EEFSEC: variants seen among roughly 807,000 people sequenced by gnomAD.
EEFSEC encodes selenocysteine-specific elongation factor.
Under a neutral mutation model 42.1 loss-of-function variants are expected in EEFSEC, and 43 were observed. That is an observed-to-expected ratio of 1.02 (90% CI 0.80 to 1.32). EEFSEC has a LOEUF of 1.32. EEFSEC is among the 40% of genes most tolerant of loss of function. The pLI is 0.00. For missense variants in EEFSEC, 745 were observed against 803.6 expected (o/e 0.93, Z 0.88); for synonymous variants, 354 against 339.1 (o/e 1.04, Z -0.48).
intron 1 of EEFSEC, among the ~76,000 whole-genome samples, chr3:128,243,564 T>A (rs2066096226): frequency 6.6e-6 from 1 of 152,228 alleles, no homozygotes; most frequent in South Asian, 2.1e-4. Flanking sequence ...GTGCCCAAGC[T>A]GGGTCTTGTG....
At chr3:128,258,772 G>A (rs2066267928) in intron 2 of EEFSEC, among the ~76,000 whole-genome samples, 1 of 152,150 alleles carries the variant, frequency 6.6e-6, no homozygotes, top group South Asian at 2.1e-4. Context: ...TATATTTAAT[G>A]TATGTAATTA....
At chr3:128,197,793 G>A (rs2107812162) in intron 1 of EEFSEC, among the ~76,000 whole-genome samples, 1 of 152,226 alleles carries the variant, frequency 6.6e-6, no homozygotes, top group South Asian at 2.1e-4. Context: ...TGGAGCTCAG[G>A]GTTGAGGTCT....
At chr3:128,174,947 C>A (rs1268352665) in intron 1 of EEFSEC, among the ~76,000 whole-genome samples, 3 of 152,140 alleles carry the variant, frequency 2.0e-5, no homozygotes, top group Non-Finnish European at 4.4e-5. Flanking sequence ...AAATGAAATT[C>A]TTGAATTTTT....
At chr3:128,306,211 A>G (rs1269479070) in intron 4 of EEFSEC, among the ~76,000 whole-genome samples, 1 of 152,290 alleles carries the variant, frequency 6.6e-6, no homozygotes, top group East Asian at 1.9e-4. Flanking sequence ...CGGCTTTTAA[A>G]AAGAAGAGTT....
intron 1 of EEFSEC, among the ~76,000 whole-genome samples, chr3:128,205,268 C>G (rs1162547465): frequency 1.3e-5 from 2 of 152,170 alleles, no homozygotes; most frequent in African/African-American, 4.8e-5. Context: ...GTGTGGAGCT[C>G]AGGGACTCAG....
rs181346192 is a variant in EEFSEC, at chr3:128,308,041, G to A, written c.787-33192G>A. Among the ~76,000 whole-genome samples the A allele has an allele frequency of 5.9e-4, 90 of 152,366 alleles. 1 individual carries two copies. Among genetic ancestry groups the A allele is most frequent in the East Asian group, 1.9e-3 (10 of 5,188 alleles). On this transcript the variant is annotated intron_variant, in intron 4 of 6. Coordinates refer to ENST00000254730, the MANE Select transcript of EEFSEC (RefSeq NM_021937.5). ...TGTCAGTTGAACTGTGTGGCTAAGG[G>A]TGAAAGACTAAGTAGTTGGAACTCA...
intron 1 of EEFSEC, among the ~76,000 whole-genome samples, chr3:128,243,449 A>G (rs144611706): frequency 6.6e-6 from 1 of 152,364 alleles, no homozygotes; most frequent in Non-Finnish European, 1.5e-5. Context: ...GTATACCAAT[A>G]GGAAATCGAC....
intron 1 of EEFSEC, among the ~76,000 whole-genome samples, chr3:128,215,472 A>G (rs547153545): frequency 2.2e-4 from 34 of 152,278 alleles, no homozygotes; most frequent in Middle Eastern, 6.8e-3. Context: ...GTCATAGTGC[A>G]CCTTGGACAG....
chr3:128,231,942 C>T lies in EEFSEC; in HGVS notation c.317-14894C>T, dbSNP rs918989725. Among the ~76,000 whole-genome samples, 10 of 152,086 alleles carry T rather than the reference C, an allele frequency of 6.6e-5. No homozygotes were observed. The South Asian group carries it at 1.0e-3, about 16-fold the overall frequency. Reference sequence around the variant, plus strand: ...AGGTTTGTGTTTGGATTTCAGGCGTCGCTGATGGTGAAGTGTGCTTAGGGT... The same window carrying T: ...AGGTTTGTGTTTGGATTTCAGGCGTTGCTGATGGTGAAGTGTGCTTAGGGT... On this transcript the variant is annotated intron_variant, in intron 1 of 6. Transcript: ENST00000254730.
intron 4 of EEFSEC, among the ~76,000 whole-genome samples, chr3:128,305,010 T>A (rs1007966537): frequency 1.3e-5 from 2 of 152,244 alleles, no homozygotes; most frequent in African/African-American, 4.8e-5. Flanking sequence ...GCCTGTTGTT[T>A]GTAATTTTAA....
At chr3:128,339,805 T>C (rs1366937455) in intron 4 of EEFSEC, among the ~76,000 whole-genome samples, 3 of 152,214 alleles carry the variant, frequency 2.0e-5, no homozygotes, top group African/African-American at 7.2e-5. Flanking sequence ...CTCACAGTTC[T>C]GCGTGGCTGA....
chr3:128,226,703 TC>T (rs1231491003), intron 1 of EEFSEC, among the ~76,000 whole-genome samples: 3 of 152,264 alleles, frequency 2.0e-5, no homozygotes, highest in African/African-American at 7.2e-5. Flanking sequence ...TGTGTGTGTT[TC>T]CCCCAGAAGA....
At chr3:128,296,889 G>A (rs1159383011) in intron 4 of EEFSEC, among the ~76,000 whole-genome samples, 1 of 152,218 alleles carries the variant, frequency 6.6e-6, no homozygotes, top group Non-Finnish European at 1.5e-5. Context: ...TGGGGTAGAG[G>A]AATTGTAGCC....
At chr3:128,334,552 C>T (rs936485271) in intron 4 of EEFSEC, among the ~76,000 whole-genome samples, 1 of 152,246 alleles carries the variant, frequency 6.6e-6, no homozygotes, top group African/African-American at 2.4e-5. Context: ...ACATCAAAAA[C>T]CTCTGTTTCT....
At chr3:128,398,170 G>T (rs1559958395) in intron 6 of EEFSEC, among the ~76,000 whole-genome samples, 1 of 152,234 alleles carries the variant, frequency 6.6e-6, no homozygotes, top group Admixed American at 6.5e-5. Context: ...ATCTCTGGGG[G>T]CATTGGATCT....
chr3:128,300,538 T>C (rs2108002059), intron 4 of EEFSEC, among the ~76,000 whole-genome samples: 1 of 98,172 alleles, frequency 1.0e-5, no homozygotes, highest in Admixed American at 1.1e-4. Context: ...CAAGACTCTG[T>C]CTGAAAAAAA....
intron 5 of EEFSEC, among the ~76,000 whole-genome samples, chr3:128,356,046 T>C (rs2067449419): frequency 6.6e-6 from 1 of 152,244 alleles, no homozygotes; most frequent in African/African-American, 2.4e-5. Flanking sequence ...CGCTGAGAAG[T>C]GCAAAGGCTG....
chr3:128,345,287 A>G (rs567544202), intron 5 of EEFSEC, among the ~76,000 whole-genome samples: 26 of 152,228 alleles, frequency 1.7e-4, no homozygotes, highest in African/African-American at 6.3e-4. Flanking sequence ...TAATGCCTGG[A>G]GCGTGGGTCC....
intron 1 of EEFSEC, among the ~76,000 whole-genome samples, chr3:128,226,614 C>T (rs1334944914): frequency 1.3e-5 from 2 of 152,110 alleles, no homozygotes; most frequent in Non-Finnish European, 2.9e-5. Flanking sequence ...TTGCTAAATT[C>T]CCCTCTTCTA....
Sources: allele counts gnomAD v4.1 joint callset (sites outside exome capture counted in the v4.1 genomes callset), GRCh38; gene constraint gnomAD v4.1.1; transcripts MANE v1.5; gene names NCBI Gene and HGNC (gene_info 2026-07-23, HGNC 2026-07-21).